The following CHGB variants were observed in gnomAD, a reference collection of about 807,000 sequenced individuals.
CHGB encodes the protein secretogranin-1.
Under a neutral mutation model 69.9 loss-of-function variants are expected in CHGB, and 46 were observed. The ratio of observed to expected loss-of-function variants is 0.66; its 90% confidence interval spans 0.52 to 0.84. The LOEUF (loss-of-function observed/expected upper bound fraction) is 0.84, where lower values mean the gene tolerates loss of function less well. Ranked by LOEUF, CHGB falls within the 40% of genes least tolerant of loss-of-function variation. The pLI is 0.00. For synonymous variants in CHGB, 312 were observed against 298.2 expected, an observed-to-expected ratio of 1.05 and a Z score of -0.48; for missense variants, 796 against 822.2, an observed-to-expected ratio of 0.97 and a Z score of 0.39.
At chr20:5,913,261 T>C (rs1316341680) in intron 1 of CHGB, among the ~76,000 whole-genome samples, 2 of 152,244 alleles carry the variant, frequency 1.3e-5, no homozygotes, top group African/African-American at 2.4e-5. Flanking sequence ...TCAGTGGTTT[T>C]TGGTATATTC....
At chr20:5,921,872 G>A (rs1051254518) in intron 3 of CHGB, among the ~76,000 whole-genome samples, 1 of 152,174 alleles carries the variant, frequency 6.6e-6, no homozygotes, top group Non-Finnish European at 1.5e-5. Context: ...TATCTAGCTG[G>A]ATTATTGTTA....
intron 3 of CHGB, among the ~76,000 whole-genome samples, chr20:5,919,602 A>G (rs990889460): frequency 6.6e-6 from 1 of 152,248 alleles, no homozygotes; most frequent in Non-Finnish European, 1.5e-5. Flanking sequence ...TTTGATTTTT[A>G]AAAGACATCT....
In CHGB at chr20:5,925,034, C is replaced by A; in HGVS notation, c.2019C>A (p.Phe673Leu). ...DLELQKIAEK[F>L]SQRG is the part of the protein sequence containing the mutation. The stretch of plus-strand genomic sequence containing the variant: ...AACTACAGAAGATAGCTGAGAAATT[C>A]AGCCAAAGGGGCTGACTGTCATTGG... Residue 673 changes from phenylalanine to leucine, a missense_variant, in exon 5 of 5, where the codon TTC becomes TTA. Coordinates refer to ENST00000378961, the MANE Select transcript of CHGB (RefSeq NM_001819.3). 1 of 1,612,698 alleles carries A rather than the reference C, an allele frequency of 6.2e-7. No homozygotes were observed. Among genetic ancestry groups the A allele is most frequent in the South Asian group, 1.1e-5 (1 of 90,984 alleles).
In CHGB at chr20:5,925,186, G is replaced by A. The variant is rs1230023417; in HGVS notation, c.*137G>A. 3.7e-6 allele frequency: 2 copies of A among 546,536 alleles called. No individual in the cohort carries two copies. Among genetic ancestry groups the A allele is most frequent in the African/African-American group, 1.9e-5 (1 of 51,648 alleles). The allele number at this position is 546,536 out of a possible 1,614,324, so 33.9% of individuals were successfully genotyped here. The stretch of plus-strand genomic sequence containing the variant: ...TATTCATTAAATGTTTGACACAATT[G>A]GAATTGTCTTTAATTTCTGTCAGAA... On this transcript the variant is annotated 3_prime_UTR_variant, in exon 5 of 5. Coordinates refer to ENST00000378961, the MANE Select transcript of CHGB (RefSeq NM_001819.3).
intron 4 of CHGB, 75 bp from the exon 5 acceptor site, chr20:5,924,897 C>A: frequency 1.2e-6 from 1 of 840,726 alleles, no homozygotes; most frequent in South Asian, 1.5e-5. Flanking sequence ...TTCCCCTTTG[C>A]ACTCATGCTC....
At chr20:5,918,618 C>T (rs546783267) in intron 3 of CHGB, among the ~76,000 whole-genome samples, 1 of 151,690 alleles carries the variant, frequency 6.6e-6, no homozygotes, top group South Asian at 2.1e-4. Flanking sequence ...CAAGACCATC[C>T]TGTCTAACAC....
chr20:5,923,787 AG>A lies in CHGB; in HGVS notation c.1646del (p.Gly549ValfsTer7). ...GACAACATGAATGACAATTTTCTCG[AG>A]GGTGAGGAGGAAAATGAGCTGACCT... is the stretch of plus-strand genomic sequence containing the variant. ...RRDNMNDNFL[E>X]GEEENELTLN... On this transcript the variant is annotated frameshift_variant, in exon 4 of 5. Coordinates refer to ENST00000378961, the MANE Select transcript of CHGB (RefSeq NM_001819.3). LOFTEE classifies it high-confidence loss of function. The A allele has an allele frequency of 6.2e-7, 1 of 1,614,232 alleles. No individual in the cohort carries two copies. Among genetic ancestry groups the A allele is most frequent in the African/African-American group, 1.3e-5 (1 of 75,066 alleles).
chr20:5,918,163 A>AAACAAAACAAAAC (rs1555781548), intron 3 of CHGB, among the ~76,000 whole-genome samples: 37 of 147,734 alleles, frequency 2.5e-4, no homozygotes, highest in African/African-American at 9.3e-4. Flanking sequence ...AAAAAAAAAA[A>AAACAAAACAAAAC]AAAAAAAACT....
At chr20:5,920,751 A>G (rs1000354322) in intron 3 of CHGB, among the ~76,000 whole-genome samples, 1 of 152,316 alleles carries the variant, frequency 6.6e-6, no homozygotes, top group East Asian at 1.9e-4. Context: ...GCCATGCCCC[A>G]ATGCTATACA....
At position 5,916,332 on chromosome 20, in the gene CHGB, A is replaced by T. The variant is rs770929162; in HGVS notation, c.56A>T (p.Asn19Ile). 1.9e-5 allele frequency: 31 copies of T among 1,613,622 alleles called. No individual in the cohort carries two copies. In the East Asian group the frequency reaches 6.9e-4, roughly 36 times the overall value. Residue 19 changes from asparagine to isoleucine, a missense_variant, in exon 2 of 5, where the codon AAT becomes ATT. Asn to Ile is a moderately radical substitution (Grantham distance 149, BLOSUM62 -3). Coordinates refer to ENST00000378961, the MANE Select transcript of CHGB (RefSeq NM_001819.3). Reference sequence around the variant, plus strand: ...TTCTTTTTCTCCTTCAAAGCTGTCAATTCCATGCCAGTGGATAACAGGAAC... The same window carrying T: ...TTCTTTTTCTCCTTCAAAGCTGTCATTTCCATGCCAGTGGATAACAGGAAC... ...LLGAVGLAAV[N>I]SMPVDNRNHN...
chr20:5,913,687 T>A (rs1159789927), intron 1 of CHGB, among the ~76,000 whole-genome samples: 1 of 145,360 alleles, frequency 6.9e-6, no homozygotes. Context: ...TGGAGTGCGG[T>A]GGTGCAATCT....
chr20:5,917,264 G>A (rs1036412252), intron 3 of CHGB: 1 of 230,006 alleles, frequency 4.3e-6, no homozygotes, highest in South Asian at 7.1e-5. Context: ...TGGGTGGAGG[G>A]GGTTTGGGAA....
rs200490625 is a variant in CHGB at position 5,922,299 on chromosome 20, T to C, written c.191-36T>C. On this transcript the variant is annotated intron_variant, in intron 3 of 4. Transcript: ENST00000378961. ...CTGGTGCTTGTGGAACCACAAGCAA[T>C]TCTGAAATTATACCTACTCTTCATT... 104 of 1,501,788 alleles carry C rather than the reference T, an allele frequency of 6.9e-5. 3 individuals carry two copies. In the South Asian group the frequency reaches 1.2e-3, roughly 17 times the overall value. 93.0% of individuals were successfully genotyped at this position (1,501,788 alleles called of 1,614,324 possible).
chr20:5,911,630 G>T lies in CHGB; in HGVS notation c.-4G>T. On this transcript the variant is annotated 5_prime_UTR_variant, in exon 1 of 5. Transcript: ENST00000378961. Reference sequence around the variant, plus strand: ...TTTCCGCACAGGGGCCGCCGAGCGGGGCCATGCAGCCAACGCTGCTTCTCA... The same window carrying T: ...TTTCCGCACAGGGGCCGCCGAGCGGTGCCATGCAGCCAACGCTGCTTCTCA... 1 of 1,516,200 alleles carries T rather than the reference G, an allele frequency of 6.6e-7. No homozygotes were observed. The highest frequency in any genetic ancestry group is 1.2e-5 in the South Asian group (1 of 82,902). The allele number at this position is 1,516,200 out of a possible 1,614,324, so 93.9% of individuals were successfully genotyped here.
Position 5,923,911 on chromosome 20 carries a change from C to T in CHGB, c.1767C>T (p.Leu589=), listed in dbSNP as rs746608324. ...DVNWGYEKRN[L]ARVPKLDLKR... is the part of the protein sequence containing the mutation. ...ACTGGGGGTATGAGAAGAGAAACCT[C>T]GCCAGGGTCCCCAAGCTGGACCTGA... The change falls in exon 4 of 5, where the codon CTC becomes CTT. Residue 589 remains leucine (L), a synonymous_variant. Coordinates refer to ENST00000378961, the MANE Select transcript of CHGB (RefSeq NM_001819.3). The T allele has an allele frequency of 3.7e-6, 6 of 1,614,050 alleles. No individual in the cohort carries two copies. The highest frequency in any genetic ancestry group is 3.3e-5 in the Admixed American group (2 of 60,012).
In CHGB at chr20:5,916,332, A is replaced by G. The variant is rs770929162; in HGVS notation, c.56A>G (p.Asn19Ser). 26 of 1,613,622 alleles carry G rather than the reference A, an allele frequency of 1.6e-5. No homozygotes were observed. In the South Asian group the frequency reaches 2.3e-4, roughly 14 times the overall value. Residue 19 changes from asparagine (N) to serine (S), a missense_variant, in exon 2 of 5, where the codon AAT (asparagine) becomes AGT (serine). Asn to Ser is a conservative substitution (Grantham distance 46, BLOSUM62 1). Transcript: ENST00000378961. ...LLGAVGLAAV[N>S]SMPVDNRNHN... ...TTCTTTTTCTCCTTCAAAGCTGTCA[A>G]TTCCATGCCAGTGGATAACAGGAAC... is the stretch of plus-strand genomic sequence containing the variant.
rs1600215980 is a variant in CHGB at position 5,925,339 on chromosome 20, A to C, written c.*290A>C. 1 of 200,282 alleles carries C rather than the reference A, an allele frequency of 5.0e-6. No individual in the cohort carries two copies. Among genetic ancestry groups the C allele is most frequent in the African/African-American group, 2.3e-5 (1 of 42,692 alleles). The allele number at this position is 200,282 out of a possible 1,614,324, so 12.4% of individuals were successfully genotyped here. ...AATGTTTGTCTCAGTTGGAAATAAT[A>C]AAAGATTCACCTGAGACCAAAAGCT... On this transcript the variant is annotated 3_prime_UTR_variant, in exon 5 of 5. Transcript: ENST00000378961.
chr20:5,916,564 C>G (rs1466548499), intron 2 of CHGB, among the ~76,000 whole-genome samples, 192 bp downstream of exon 2: 1 of 152,208 alleles, frequency 6.6e-6, no homozygotes, highest in African/African-American at 2.4e-5. Flanking sequence ...GTTTAGCACC[C>G]CTGAGGATAG....
chr20:5,914,203 A>G (rs1040340319), intron 1 of CHGB, among the ~76,000 whole-genome samples: 2 of 152,128 alleles, frequency 1.3e-5, no homozygotes, highest in Non-Finnish European at 1.5e-5. Flanking sequence ...AAGTTGAACT[A>G]CTTTAAGGAT....
Sources: allele counts gnomAD v4.1 joint callset (sites outside exome capture counted in the v4.1 genomes callset), GRCh38; gene constraint gnomAD v4.1.1; transcripts MANE v1.5; gene names NCBI Gene and HGNC (gene_info 2026-07-23, HGNC 2026-07-21).